SH3BGRL2: variants seen among roughly 807,000 people sequenced by gnomAD.
SH3BGRL2 encodes the protein SH3 domain binding glutamate rich protein like 2.
Under a neutral mutation model 14.8 loss-of-function variants are expected in SH3BGRL2, and 21 were observed. The observed-to-expected ratio is 1.42, with a 90% CI of 1.01 to 2.05. The LOEUF (loss-of-function observed/expected upper bound fraction) is 2.05, where lower values mean the gene tolerates loss of function less well. Among genes scored for constraint, SH3BGRL2 ranks in the 30% most tolerant of loss-of-function variants. The probability of loss-of-function intolerance (pLI) is 0.00; values close to 1 mark genes in which losing one functional copy is unlikely to be tolerated. For missense variants in SH3BGRL2, 147 were observed against 130.8 expected, an observed-to-expected ratio of 1.12 and a Z score of -0.61; for synonymous variants, 50 against 47.8, an observed-to-expected ratio of 1.05 and a Z score of -0.19.
chr6:79,622,619 T>A, the SH3BGRL2 span, among the ~76,000 whole-genome samples: 1 of 152,162 alleles, frequency 6.6e-6, no homozygotes, highest in Non-Finnish European at 1.5e-5. Context: ...CACCTCTCTG[T>A]TTTATTAATC....
intron 1 of SH3BGRL2, among the ~76,000 whole-genome samples, chr6:79,654,376 A>G (rs1346634601): frequency 6.6e-6 from 1 of 152,110 alleles, no homozygotes; most frequent in African/African-American, 2.4e-5. Flanking sequence ...TTTGTGTGGG[A>G]TTTTGTTTGA....
chr6:79,604,376 C>T, the SH3BGRL2 span, among the ~76,000 whole-genome samples: 2 of 152,170 alleles, frequency 1.3e-5, no homozygotes, highest in Non-Finnish European at 2.9e-5. Context: ...TGAGTTGTCT[C>T]GATTTAGCTT....
rs558405476 is a variant in SH3BGRL2, at chr6:79,670,200, C to T, written c.46-3414C>T. On this transcript the variant is annotated intron_variant, in intron 1 of 3. Coordinates refer to ENST00000369838, the MANE Select transcript of SH3BGRL2 (RefSeq NM_031469.4). ...TTATTCTTTTGTTTTTTTCCCCCAA[C>T]TGTTTAAAAATATAAAGACCATTTT... Among the ~76,000 whole-genome samples, 3 of 152,290 alleles carry T rather than the reference C, an allele frequency of 2.0e-5. No homozygotes were observed. In the East Asian group the frequency reaches 5.8e-4, roughly 29 times the overall value.
At chr6:79,569,602 G>A in the SH3BGRL2 span, among the ~76,000 whole-genome samples, 10 of 152,232 alleles carry the variant, frequency 6.6e-5, no homozygotes, top group East Asian at 3.9e-4. Context: ...TTCCAAAGGC[G>A]GAAGGGTAAA....
chr6:79,663,199 G>T (rs1769589463), intron 1 of SH3BGRL2, among the ~76,000 whole-genome samples: 2 of 152,120 alleles, frequency 1.3e-5, no homozygotes, highest in African/African-American at 4.8e-5. Flanking sequence ...TGCTGGCGAG[G>T]GACTGCCATC....
At chr6:79,692,424 C>G (rs1234870444) in intron 2 of SH3BGRL2, among the ~76,000 whole-genome samples, 5 of 152,160 alleles carry the variant, frequency 3.3e-5, no homozygotes, top group Non-Finnish European at 7.3e-5. Flanking sequence ...GACATGAAGT[C>G]CTTGCCCATG....
At chr6:79,578,251 C>T in the SH3BGRL2 span, among the ~76,000 whole-genome samples, 3 of 152,236 alleles carry the variant, frequency 2.0e-5, no homozygotes, top group Non-Finnish European at 4.4e-5. Flanking sequence ...TGTCTGACAG[C>T]TCTGAAGAGA....
chr6:79,687,089 A>C (rs574810698), intron 2 of SH3BGRL2, among the ~76,000 whole-genome samples: 1 of 152,288 alleles, frequency 6.6e-6, no homozygotes, highest in African/African-American at 2.4e-5. Context: ...CTCTGGCCAC[A>C]CTGGGAAAAA....
the SH3BGRL2 span, among the ~76,000 whole-genome samples, chr6:79,576,936 T>A: frequency 1.3e-5 from 2 of 152,222 alleles, no homozygotes; most frequent in South Asian, 2.1e-4. Flanking sequence ...ATCATCCATG[T>A]GTTGCATGTC....
intron 2 of SH3BGRL2, among the ~76,000 whole-genome samples, chr6:79,676,464 T>G (rs1223410433): frequency 8.5e-5 from 13 of 152,102 alleles, no homozygotes; most frequent in African/African-American, 2.9e-4. Flanking sequence ...ACACCTTGCT[T>G]CTTGCTGATA....
chr6:79,620,744 T>C, the SH3BGRL2 span, among the ~76,000 whole-genome samples: 3 of 152,010 alleles, frequency 2.0e-5, no homozygotes, highest in East Asian at 3.9e-4. Context: ...GATTGGGGGA[T>C]AGCACAGAGA....
chr6:79,691,879 G>T (rs1265643377), intron 2 of SH3BGRL2, among the ~76,000 whole-genome samples: 5 of 151,648 alleles, frequency 3.3e-5, no homozygotes, highest in Non-Finnish European at 7.4e-5. Flanking sequence ...CCAGTAATGG[G>T]ATGGCTGGGT....
the SH3BGRL2 span, among the ~76,000 whole-genome samples, chr6:79,587,415 C>T: frequency 2.6e-5 from 4 of 151,980 alleles, no homozygotes; most frequent in Non-Finnish European, 5.9e-5. Context: ...CAAGAACCTA[C>T]GTCCAGAGAC....
At chr6:79,620,702 G>A in the SH3BGRL2 span, among the ~76,000 whole-genome samples, 5 of 152,046 alleles carry the variant, frequency 3.3e-5, no homozygotes, top group African/African-American at 1.2e-4. Flanking sequence ...AAGTGGGGAA[G>A]AGGGAGAGAA....
chr6:79,649,011 T>C (rs1176578590), intron 1 of SH3BGRL2, among the ~76,000 whole-genome samples: 1 of 152,270 alleles, frequency 6.6e-6, no homozygotes, highest in East Asian at 1.9e-4. Flanking sequence ...GGTGATTAGC[T>C]CTTCATTCTA....
intron 1 of SH3BGRL2, among the ~76,000 whole-genome samples, chr6:79,669,577 T>A (rs1487052560): frequency 1.3e-5 from 2 of 151,318 alleles, no homozygotes; most frequent in Non-Finnish European, 2.9e-5. Context: ...CCCCAGTAGC[T>A]AGGATTACAG....
At chr6:79,546,835 A>G in the SH3BGRL2 span, among the ~76,000 whole-genome samples, 1 of 151,606 alleles carries the variant, frequency 6.6e-6, no homozygotes, top group East Asian at 1.9e-4. Flanking sequence ...GCGCGCCACC[A>G]TGCCCGGCTA....
chr6:79,644,492 A>G (rs549139663), intron 1 of SH3BGRL2, among the ~76,000 whole-genome samples: 4 of 152,268 alleles, frequency 2.6e-5, no homozygotes, highest in Admixed American at 1.3e-4. Flanking sequence ...TTTATTGTCA[A>G]CCATCTCTCT....
chr6:79,617,087 A>C, the SH3BGRL2 span, among the ~76,000 whole-genome samples: 2 of 152,094 alleles, frequency 1.3e-5, no homozygotes, highest in Non-Finnish European at 2.9e-5. Context: ...CAGGAGGCTA[A>C]GGGAGGAGAA....
Sources: allele counts gnomAD v4.1 joint callset (sites outside exome capture counted in the v4.1 genomes callset), GRCh38; gene constraint gnomAD v4.1.1; transcripts MANE v1.5; gene names NCBI Gene and HGNC (gene_info 2026-07-23, HGNC 2026-07-21).